The following TSHZ2 variants were observed in gnomAD, a reference collection of about 807,000 sequenced individuals.
TSHZ2 encodes teashirt homolog 2.
A neutral mutation model predicts 74.4 loss-of-function variants in TSHZ2; 21 were observed. The ratio of observed to expected loss-of-function variants is 0.28; its 90% CI spans 0.20 to 0.41. The LOEUF (loss-of-function observed/expected upper bound fraction) is 0.41. Ranked by LOEUF, TSHZ2 falls within the 10% of genes least tolerant of loss-of-function variation. The pLI, the probability that TSHZ2 is intolerant of heterozygous loss-of-function variation, is 1.00. For synonymous variants in TSHZ2, 540 were observed against 515.3 expected (o/e 1.05, Z -0.65); for missense variants, 1,244 against 1,293.5 (o/e 0.96, Z 0.59).
intron 1 of TSHZ2, among the ~76,000 whole-genome samples, chr20:53,154,041 G>C (rs771140740): frequency 8.5e-5 from 13 of 152,208 alleles, no homozygotes; most frequent in Non-Finnish European, 1.8e-4. Flanking sequence ...GACAAAGTAA[G>C]TCAAAAGGCC....
chr20:53,321,697 A>AAAG (rs1045781417), intron 2 of TSHZ2, among the ~76,000 whole-genome samples: 3 of 140,550 alleles, frequency 2.1e-5, no homozygotes, highest in Admixed American at 7.4e-5. Context: ...AAAAAAAAAA[A>AAAG]AAAGAAAGAC....
chr20:53,075,802 CA>C (rs1985346935), intron 1 of TSHZ2, among the ~76,000 whole-genome samples: 1 of 152,126 alleles, frequency 6.6e-6, no homozygotes, highest in African/African-American at 2.4e-5. Flanking sequence ...AGTCAGCCAC[CA>C]TCGGTGGGAG....
At chr20:53,368,531 G>A (rs528810530) in intron 2 of TSHZ2, among the ~76,000 whole-genome samples, 1 of 152,112 alleles carries the variant, frequency 6.6e-6, no homozygotes, top group East Asian at 1.9e-4. Context: ...AGCTGGTCTT[G>A]AACTCCTGAC....
intron 1 of TSHZ2, among the ~76,000 whole-genome samples, chr20:53,171,356 A>G (rs955651433): frequency 6.6e-6 from 1 of 152,240 alleles, no homozygotes; most frequent in Admixed American, 6.5e-5. Flanking sequence ...GACAGTGTGC[A>G]TTGTTTTATT....
intron 2 of TSHZ2, among the ~76,000 whole-genome samples, chr20:53,440,765 A>T (rs546188534): frequency 2.2e-4 from 34 of 152,336 alleles, no homozygotes; most frequent in African/African-American, 7.2e-4. Context: ...CTTTCATTAC[A>T]ACTCTTTAAG....
intron 1 of TSHZ2, among the ~76,000 whole-genome samples, chr20:53,175,776 C>T (rs939040575): frequency 6.6e-6 from 1 of 152,152 alleles, no homozygotes; most frequent in African/African-American, 2.4e-5. Flanking sequence ...GGTGGTACCC[C>T]GACCTACAGA....
At chr20:53,289,256 A>T (rs901762902) in intron 2 of TSHZ2, among the ~76,000 whole-genome samples, 10 of 152,202 alleles carry the variant, frequency 6.6e-5, no homozygotes, top group Non-Finnish European at 1.5e-4. Context: ...TATAACTGCA[A>T]ATTGTGCTGC....
At chr20:53,237,504 A>AGTGTGTGT (rs59294548) in intron 1 of TSHZ2, among the ~76,000 whole-genome samples, 1 of 149,602 alleles carries the variant, frequency 6.7e-6, no homozygotes, top group African/African-American at 2.5e-5. Context: ...TCTCTGTGTG[A>AGTGTGTGT]GTGTGTGTGT....
chr20:53,270,731 C>T (rs117307947), intron 2 of TSHZ2, among the ~76,000 whole-genome samples: 9 of 152,268 alleles, frequency 5.9e-5, no homozygotes, highest in Non-Finnish European at 1.3e-4. Flanking sequence ...TTCTACCACT[C>T]GGGGCCTTCA....
chr20:53,081,044 C>A (rs1484194910), intron 1 of TSHZ2, among the ~76,000 whole-genome samples: 3 of 152,150 alleles, frequency 2.0e-5, no homozygotes, highest in Non-Finnish European at 4.4e-5. Flanking sequence ...GAGACAGGAT[C>A]TTTCTCTGTC....
intron 2 of TSHZ2, among the ~76,000 whole-genome samples, chr20:53,380,916 G>A (rs74518085): frequency 3.2e-4 from 49 of 152,188 alleles, no homozygotes; most frequent in African/African-American, 1.0e-3. Context: ...TAGAAACCAC[G>A]TATAAGAAAA....
intron 1 of TSHZ2, among the ~76,000 whole-genome samples, chr20:53,067,586 GCA>G (rs2123186295): frequency 1.3e-5 from 2 of 152,308 alleles, no homozygotes; most frequent in South Asian, 2.1e-4. Context: ...CTCCCAGAAT[GCA>G]CAGTTCTCCC....
intron 2 of TSHZ2, among the ~76,000 whole-genome samples, chr20:53,483,132 A>T (rs1701256888): frequency 6.6e-6 from 1 of 152,008 alleles, no homozygotes; most frequent in African/African-American, 2.4e-5. Context: ...TGAAATTTTA[A>T]AATAACTATA....
At chr20:53,314,699 G>T (rs1208055672) in intron 2 of TSHZ2, among the ~76,000 whole-genome samples, 5 of 139,948 alleles carry the variant, frequency 3.6e-5, no homozygotes, top group African/African-American at 1.1e-4. Context: ...TCAGTTCATT[G>T]CCACCTTCCC....
intron 1 of TSHZ2, among the ~76,000 whole-genome samples, chr20:53,080,754 G>T (rs1985507350): frequency 6.6e-6 from 1 of 152,136 alleles, no homozygotes; most frequent in South Asian, 2.1e-4. Flanking sequence ...TTCCTAACAG[G>T]CCACGGACCT....
intron 1 of TSHZ2, among the ~76,000 whole-genome samples, chr20:52,979,722 C>G (rs1298018915): frequency 6.6e-6 from 1 of 152,076 alleles, no homozygotes; most frequent in African/African-American, 2.4e-5. Flanking sequence ...CTCTGGGCAC[C>G]CTCAAATATT....
At chr20:52,974,758 G>A (rs574410945) in intron 1 of TSHZ2, among the ~76,000 whole-genome samples, 14 of 152,270 alleles carry the variant, frequency 9.2e-5, no homozygotes, top group African/African-American at 2.9e-4. Flanking sequence ...CTCCTTCCTC[G>A]CCTGAGTGTT....
At chr20:53,147,042 T>C (rs372856555) in intron 1 of TSHZ2, among the ~76,000 whole-genome samples, 1 of 152,228 alleles carries the variant, frequency 6.6e-6, no homozygotes, top group Non-Finnish European at 1.5e-5. Flanking sequence ...CTTAATTCAT[T>C]GATGTCTTCT....
At chr20:53,330,439 C>A (rs1391645870) in intron 2 of TSHZ2, among the ~76,000 whole-genome samples, 1 of 152,066 alleles carries the variant, frequency 6.6e-6, no homozygotes, top group East Asian at 1.9e-4. Flanking sequence ...TAATGAGAAG[C>A]CTTCAATTGA....
Sources: allele counts gnomAD v4.1 joint callset (sites outside exome capture counted in the v4.1 genomes callset), GRCh38; gene constraint gnomAD v4.1.1; transcripts MANE v1.5; gene names NCBI Gene and HGNC (gene_info 2026-07-23, HGNC 2026-07-21).